The following CCDC178 variants were observed in gnomAD, a reference collection of about 807,000 sequenced individuals.
CCDC178 encodes the protein coiled-coil domain containing 178.
In CCDC178, 126 loss-of-function variants were observed where a neutral mutation model predicts 117.4. The observed-to-expected ratio is 1.07, with a 90% CI of 0.93 to 1.24. The LOEUF (loss-of-function observed/expected upper bound fraction) is 1.24, where lower values mean the gene tolerates loss of function less well. Ranked by LOEUF, CCDC178 falls within the 50% of genes most tolerant of loss-of-function variation. CCDC178 has a pLI of 0.00. For missense variants in CCDC178, 1,030 were observed against 986.9 expected, an observed-to-expected ratio of 1.04 and a Z score of -0.59; for synonymous variants, 283 against 313.4, an observed-to-expected ratio of 0.90 and a Z score of 1.02.
At chr18:33,120,163 AC>A (rs1297046141) in intron 20 of CCDC178, among the ~76,000 whole-genome samples, 1 of 151,812 alleles carries the variant, frequency 6.6e-6, no homozygotes, top group Non-Finnish European at 1.5e-5. Flanking sequence ...ATGCACATGT[AC>A]CCTACAACTT....
At chr18:33,126,241 T>G (rs1363988933) in intron 20 of CCDC178, among the ~76,000 whole-genome samples, 1 of 151,358 alleles carries the variant, frequency 6.6e-6, no homozygotes, top group Non-Finnish European at 1.5e-5. Flanking sequence ...TACGTATATA[T>G]ATAGTATGTA....
chr18:33,370,259 C>A, intron 5 of CCDC178, 70 bp from the exon 6 acceptor site: 2 of 1,159,812 alleles, frequency 1.7e-6, no homozygotes, highest in Admixed American at 3.5e-5. Flanking sequence ...TCAGAATAAG[C>A]AAAAAAATTC....
chr18:33,382,424 T>C (rs2063448134), intron 5 of CCDC178, among the ~76,000 whole-genome samples: 1 of 152,140 alleles, frequency 6.6e-6, no homozygotes, highest in African/African-American at 2.4e-5. Context: ...CATCTTGGAA[T>C]TTACAGCTCC....
At chr18:33,306,972 AC>A (rs1305683651) in intron 11 of CCDC178, among the ~76,000 whole-genome samples, 2 of 152,058 alleles carry the variant, frequency 1.3e-5, no homozygotes, top group Non-Finnish European at 2.9e-5. Context: ...TTCCCCTTCC[AC>A]TATGATTGTA....
chr18:33,377,932 C>T (rs2063386844), intron 5 of CCDC178, among the ~76,000 whole-genome samples: 1 of 152,072 alleles, frequency 6.6e-6, no homozygotes, highest in Admixed American at 6.6e-5. Context: ...TTCAGTTCTT[C>T]TTTGGTTCTG....
At chr18:33,216,522 T>C (rs2059167311) in intron 18 of CCDC178, among the ~76,000 whole-genome samples, 1 of 152,104 alleles carries the variant, frequency 6.6e-6, no homozygotes, top group Admixed American at 6.6e-5. Flanking sequence ...TGCTAATTAG[T>C]GTTACTCTCC....
chr18:33,096,210 C>G lies in CCDC178; in HGVS notation c.2239-3300G>C, dbSNP rs1002274258. On this transcript the variant is annotated intron_variant, in intron 20 of 22. Coordinates refer to ENST00000383096, the MANE Select transcript of CCDC178 (RefSeq NM_001105528.4). ...CACTTTCAGTTTATTTTTCCTTCTT[C>G]TCATCTCTCACTGGGTAAATGGGGA... Among the ~76,000 whole-genome samples the G allele has an allele frequency of 4.1e-5, 6 of 147,720 alleles. No individual in the cohort carries two copies. The Admixed American group carries it at 4.1e-4, about 10-fold the overall frequency.
chr18:33,074,197 T>TAA (rs2057163891), intron 21 of CCDC178, among the ~76,000 whole-genome samples: 1 of 151,744 alleles, frequency 6.6e-6, no homozygotes, highest in African/African-American at 2.4e-5. Flanking sequence ...TATATATATA[T>TAA]AATGTAATAT....
At chr18:33,097,374 A>C (rs2057558720) in intron 20 of CCDC178, among the ~76,000 whole-genome samples, 1 of 152,140 alleles carries the variant, frequency 6.6e-6, no homozygotes. Flanking sequence ...CTAGCCTCCA[A>C]GTCATCCAAC....
intron 20 of CCDC178, among the ~76,000 whole-genome samples, chr18:33,146,049 A>C (rs1377187826): frequency 6.6e-6 from 1 of 152,230 alleles, no homozygotes; most frequent in Non-Finnish European, 1.5e-5. Context: ...GCATTTGATG[A>C]GTGGTCTGGT....
intron 12 of CCDC178, among the ~76,000 whole-genome samples, chr18:33,279,376 T>C (rs1357270257): frequency 6.6e-6 from 1 of 151,916 alleles, no homozygotes; most frequent in Non-Finnish European, 1.5e-5. Flanking sequence ...GAGAATAAAA[T>C]ACCTAGGAAT....
At chr18:33,336,245 T>G (rs984230857) in intron 9 of CCDC178, among the ~76,000 whole-genome samples, 1 of 152,080 alleles carries the variant, frequency 6.6e-6, no homozygotes, top group Non-Finnish European at 1.5e-5. Flanking sequence ...ACCTTTGGAT[T>G]CTCATTTTTA....
chr18:33,052,063 T>G (rs528205337), intron 21 of CCDC178, among the ~76,000 whole-genome samples: 1 of 152,178 alleles, frequency 6.6e-6, no homozygotes, highest in Non-Finnish European at 1.5e-5. Context: ...AGCCTTCCAC[T>G]GTCACAGTCA....
chr18:33,145,180 T>C (rs977051798), intron 20 of CCDC178, among the ~76,000 whole-genome samples: 2 of 152,224 alleles, frequency 1.3e-5, no homozygotes, highest in Admixed American at 6.5e-5. Context: ...AGAATTAGTT[T>C]GAATTAGTCC....
At chr18:33,161,759 T>C (rs1009560780) in intron 20 of CCDC178, among the ~76,000 whole-genome samples, 3 of 152,210 alleles carry the variant, frequency 2.0e-5, no homozygotes, top group African/African-American at 4.8e-5. Flanking sequence ...CATCATTTTT[T>C]ATGGCTGCGT....
chr18:33,077,995 A>G (rs2057237445), intron 21 of CCDC178, among the ~76,000 whole-genome samples: 1 of 152,226 alleles, frequency 6.6e-6, no homozygotes, highest in Non-Finnish European at 1.5e-5. Context: ...AGAAAACTTC[A>G]GGGCAATAGT....
rs79999486 is a variant in CCDC178 at position 33,146,878 on chromosome 18, C to T, written c.2239-53968G>A. ...GTAACAACAGATGGAAAGTCTAATG[C>T]GTTTTTAAGACTCAGTCTGAAAAAA... On this transcript the variant is annotated intron_variant, in intron 20 of 22. Coordinates refer to ENST00000383096, the MANE Select transcript of CCDC178 (RefSeq NM_001105528.4). Among the ~76,000 whole-genome samples the T allele has an allele frequency of 7.9e-3, 1,198 of 152,234 alleles. 13 individuals are homozygous for T. Among genetic ancestry groups the T allele is most frequent in the African/African-American group, 0.027 (1,112 of 41,530 alleles).
At chr18:33,224,595 T>C (rs1317380183) in intron 17 of CCDC178, among the ~76,000 whole-genome samples, 180 bp downstream of exon 17, 4 of 152,176 alleles carry the variant, frequency 2.6e-5, no homozygotes, top group African/African-American at 7.2e-5. Flanking sequence ...TTCTAGATAA[T>C]AGCATTAATG....
In CCDC178 at chr18:33,293,173, A is replaced by C. The variant is rs768223876; in HGVS notation, c.1162T>G (p.Ser388Ala). The change falls in exon 12 of 23, where the codon TCT becomes GCT. Residue 388 changes from serine (S) to alanine (A), a missense_variant. Physicochemically the swap from Ser to Ala is moderately conservative, Grantham distance 99. Coordinates refer to ENST00000383096, the MANE Select transcript of CCDC178 (RefSeq NM_001105528.4). ...ETKSSKNELHSLSKMLEDLRR... is the reference protein window; with the variant it reads ...ETKSSKNELHALSKMLEDLRR... ...GAAAAACTCACCATTTTTGATAGAG[A>C]ATGTAATTCATTTTTTGATGACTTT... is the stretch of plus-strand genomic sequence containing the variant. 5.1e-6 allele frequency: 8 copies of C among 1,580,282 alleles called. No individual in the cohort carries two copies. Among genetic ancestry groups the C allele is most frequent in the Admixed American group, 3.6e-5 (2 of 56,180 alleles).
Sources: gnomAD v4.1 joint callset for allele counts (sites outside exome capture counted in the v4.1 genomes callset) on GRCh38, gnomAD v4.1.1 for gene constraint, MANE v1.5 for transcripts, NCBI Gene and HGNC (gene_info 2026-07-23, HGNC 2026-07-21) for gene names.